Variants in FBXO42 observed in about 807,000 individuals in gnomAD.
FBXO42 encodes F-box protein 42, also known as F-box only protein 42.
FBXO42 carries 12 observed loss-of-function variants against 71.7 expected under a neutral mutation model. The ratio of observed to expected loss-of-function variants is 0.17; its 90% CI spans 0.11 to 0.27. The LOEUF is 0.27. FBXO42 is among the 10% of genes least tolerant of loss of function. The pLI is 1.00. For missense variants in FBXO42, 707 were observed against 911.9 expected (o/e 0.78, Z 2.89); for synonymous variants, 325 against 327.5 (o/e 0.99, Z 0.08).
intron 4 of FBXO42, among the ~76,000 whole-genome samples, chr1:16,281,769 G>C (rs1405904502): frequency 6.6e-6 from 1 of 151,224 alleles, no homozygotes. Flanking sequence ...CGATTCTCCT[G>C]CCTCAGCCTC....
chr1:16,253,399 G>C (rs1272465352), intron 7 of FBXO42: 1 of 592,024 alleles, frequency 1.7e-6, no homozygotes, highest in Non-Finnish European at 3.0e-6. Context: ...ATAAAATGCA[G>C]GATTCTCTTG....
intron 1 of FBXO42, among the ~76,000 whole-genome samples, chr1:16,321,353 T>C (rs1019989238): frequency 9.2e-5 from 14 of 152,212 alleles, no homozygotes; most frequent in African/African-American, 3.4e-4. Context: ...AATAAAATCA[T>C]CACTCATATT....
chr1:16,335,355 C>G (rs2082543077), intron 1 of FBXO42, among the ~76,000 whole-genome samples: 1 of 152,056 alleles, frequency 6.6e-6, no homozygotes, highest in Admixed American at 6.6e-5. Context: ...CCAGGCTGGT[C>G]TCAAACTCCT....
At chr1:16,274,682 C>G (rs2100484614) in intron 4 of FBXO42, among the ~76,000 whole-genome samples, 1 of 146,856 alleles carries the variant, frequency 6.8e-6, no homozygotes, top group South Asian at 2.2e-4. Context: ...ACCTCCGCCT[C>G]CTGGGTTCAA....
At chr1:16,283,763 G>A (rs1206279960) in intron 4 of FBXO42, among the ~76,000 whole-genome samples, 1 of 151,944 alleles carries the variant, frequency 6.6e-6, no homozygotes, top group African/African-American at 2.4e-5. Flanking sequence ...CCAAAGTGCT[G>A]GGATTACAGG....
At chr1:16,351,530 CT>C (rs2082702709) in intron 1 of FBXO42, among the ~76,000 whole-genome samples, 1 of 152,162 alleles carries the variant, frequency 6.6e-6, no homozygotes, top group Non-Finnish European at 1.5e-5. Flanking sequence ...TATTCTGAAT[CT>C]TAACAAACCG....
intron 1 of FBXO42, among the ~76,000 whole-genome samples, chr1:16,335,019 G>A (rs1318647817): frequency 1.8e-5 from 2 of 111,732 alleles, no homozygotes; most frequent in African/African-American, 3.5e-5. Flanking sequence ...TTGAGCCCAA[G>A]AGTTCAACAC....
rs991146186 is a variant in FBXO42 at position 16,334,173 on chromosome 1, C to T, written c.-18+18082G>A. Among the ~76,000 whole-genome samples the T allele has an allele frequency of 1.5e-4, 23 of 152,062 alleles. 1 individual carries two copies. Among genetic ancestry groups the T allele is most frequent in the Admixed American group, 1.2e-3 (19 of 15,258 alleles). On this transcript the variant is annotated intron_variant, in intron 1 of 9. Transcript: ENST00000375592. Reference sequence around the variant, plus strand: ...TCTAGGCCGGGCCCGGTGGCTCACGCCTGTAATCCCAGCACTTTGGGAGGC... The same window carrying T: ...TCTAGGCCGGGCCCGGTGGCTCACGTCTGTAATCCCAGCACTTTGGGAGGC...
intron 1 of FBXO42, among the ~76,000 whole-genome samples, chr1:16,327,735 C>G (rs981681215): frequency 1.3e-5 from 2 of 152,220 alleles, no homozygotes; most frequent in Non-Finnish European, 2.9e-5. Flanking sequence ...CGGAGTCTCG[C>G]TCTGTTGCCC....
At chr1:16,257,115 G>GCT (rs1174784671) in intron 4 of FBXO42, among the ~76,000 whole-genome samples, 1 of 152,120 alleles carries the variant, frequency 6.6e-6, no homozygotes, top group Non-Finnish European at 1.5e-5. Context: ...CATAGAAAGT[G>GCT]CTCAACAAAT....
Position 16,251,579 on chromosome 1 carries a change from A to G in FBXO42, c.1245T>C (p.Ala415=), listed in dbSNP as rs756242427. Residue 415 remains alanine (A), a synonymous_variant, in exon 10 of 10, where the codon GCT becomes GCC. Transcript: ENST00000375592. This position sits in a 1 kb window ranked among gnomAD's most constrained non-coding sequence, Gnocchi z 4.5. ...NGRWGTLRPR[A]QRQTPSGSRE... ...GGGAACCTGAAGGAGTCTGCCTTTG[A>G]GCCCTGGGTCTCAGTGTTCCCCAGC... 4 of 1,614,008 alleles carry G rather than the reference A, an allele frequency of 2.5e-6. No homozygotes were observed. Among genetic ancestry groups the G allele is most frequent in the Non-Finnish European group, 8.5e-7 (1 of 1,180,034 alleles).
chr1:16,250,683 C>T lies in FBXO42; in HGVS notation c.2141G>A (p.Arg714Gln), dbSNP rs767792609. 4.1e-5 allele frequency: 66 copies of T among 1,612,908 alleles called. No individual in the cohort carries two copies. The highest frequency in any genetic ancestry group is 5.3e-5 in the Non-Finnish European group (62 of 1,179,280). ...YPKTNALYFV[R>Q]AKR ...GTTTAGAACACATTATCTCTTTGCT[C>T]GTACAAAGTACAAGGCGTTTGTTTT... The change falls in exon 10 of 10, where the codon CGA becomes CAA. Residue 714 changes from arginine (R) to glutamine (Q), a missense_variant. Transcript: ENST00000375592. This position sits in a 1 kb window ranked among gnomAD's most constrained non-coding sequence, Gnocchi z 4.7.
intron 4 of FBXO42, among the ~76,000 whole-genome samples, chr1:16,257,742 G>A (rs1162217092): frequency 6.6e-6 from 1 of 152,002 alleles, no homozygotes; most frequent in Non-Finnish European, 1.5e-5. Context: ...GTGCAATGAT[G>A]CAATCTCGGC....
rs1427008429 is a variant in FBXO42, at chr1:16,333,444, C to CT, written c.-17-18010_-17-18009insA. Among the ~76,000 whole-genome samples the CT allele has an allele frequency of 5.8e-5, 8 of 138,428 alleles. 1 individual carries two copies. The highest frequency in any genetic ancestry group is 1.3e-4 in the Non-Finnish European group (8 of 61,942). The allele number at this position is 138,428 out of a possible 152,430, so 90.8% of individuals were successfully genotyped here. On this transcript the variant is annotated intron_variant, in intron 1 of 9. Transcript: ENST00000375592. ...CCTGGGCAAATAGTGAGACCCCCCC[C>CT]CCCCATTTCCAAGAAGAAAAAAAAA...
intron 6 of FBXO42, 44 bp downstream of exon 6, chr1:16,255,667 G>A: frequency 6.6e-7 from 1 of 1,507,426 alleles, no homozygotes; most frequent in Non-Finnish European, 9.2e-7. Context: ...ATTCCCAGGA[G>A]TATTTACCTT....
At position 16,247,843 on chromosome 1, in the gene FBXO42, C is replaced by T. The variant is rs746708876; in HGVS notation, c.*2827G>A. 1 of 152,156 alleles carries T rather than the reference C, an allele frequency of 6.6e-6. No homozygotes were observed. Among genetic ancestry groups the T allele is most frequent in the African/African-American group, 2.4e-5 (1 of 41,416 alleles). 9.4% of individuals were successfully genotyped at this position (152,156 alleles called of 1,614,324 possible). On this transcript the variant is annotated 3_prime_UTR_variant, in exon 10 of 10. Transcript: ENST00000375592. ...CTGTATAACCTGTGAAATAAGAGAACAGGAAGCTCTGTCCAAGAGGGTAGG... is the reference window on the plus strand; with the variant it reads ...CTGTATAACCTGTGAAATAAGAGAATAGGAAGCTCTGTCCAAGAGGGTAGG...
chr1:16,336,186 C>T (rs896630394), intron 1 of FBXO42, among the ~76,000 whole-genome samples: 1 of 151,888 alleles, frequency 6.6e-6, no homozygotes, highest in Non-Finnish European at 1.5e-5. Context: ...GACCTGCCTA[C>T]CTCAGCCTCC....
At chr1:16,269,443 C>T (rs2081815046) in intron 4 of FBXO42, among the ~76,000 whole-genome samples, 1 of 151,208 alleles carries the variant, frequency 6.6e-6, no homozygotes, top group Admixed American at 6.6e-5. Flanking sequence ...AGTGCAGTGG[C>T]ACTATCTCAG....
chr1:16,351,018 T>C (rs2082698882), intron 1 of FBXO42, among the ~76,000 whole-genome samples: 1 of 152,166 alleles, frequency 6.6e-6, no homozygotes, highest in African/African-American at 2.4e-5. Context: ...ACAGCATCAC[T>C]AATGGCCATA....
Sources: allele counts gnomAD v4.1 joint callset (sites outside exome capture counted in the v4.1 genomes callset), GRCh38; gene constraint gnomAD v4.1.1; non-coding constraint Gnocchi (gnomAD v3.1); transcripts MANE v1.5; gene names NCBI Gene and HGNC (gene_info 2026-07-23, HGNC 2026-07-21).